BFAR: variants seen among roughly 807,000 people sequenced by gnomAD.
The protein encoded by BFAR is RING finger protein 47.
Under a neutral mutation model 54.4 loss-of-function variants are expected in BFAR, and 52 were observed. The ratio of observed to expected loss-of-function variants is 0.96; its 90% CI spans 0.77 to 1.21. The LOEUF is 1.21. BFAR is among the 50% of genes most tolerant of loss of function. The pLI is 0.00. For synonymous variants in BFAR, 215 were observed against 204.3 expected (o/e 1.05, Z -0.45); for missense variants, 571 against 534.0 (o/e 1.07, Z -0.68).
chr16:14,665,171 A>G, intron 7 of BFAR, 100 bp downstream of exon 7: 3 of 1,190,530 alleles, frequency 2.5e-6, no homozygotes, highest in South Asian at 2.9e-5. Context: ...TAAATCCTCC[A>G]TCCACCCAGA....
chr16:14,639,870 A>T (rs762246124), intron 1 of BFAR, among the ~76,000 whole-genome samples: 2 of 152,196 alleles, frequency 1.3e-5, no homozygotes, highest in Admixed American at 1.3e-4. Context: ...AGAGAGAGGA[A>T]AGCTCTGGTC....
Position 14,649,793 on chromosome 16 carries a change from C to T in BFAR, c.469-11C>T. On this transcript the variant is annotated splice_polypyrimidine_tract_variant and intron_variant, in intron 3 of 7. Transcript: ENST00000261658. ...TCTCCATGGTTTAAAGTCCCTGTCACTTTTCCCCAGGTGGTCCTGCTCGTC... is the reference window on the plus strand; with the variant it reads ...TCTCCATGGTTTAAAGTCCCTGTCATTTTTCCCCAGGTGGTCCTGCTCGTC... 2 of 1,585,074 alleles carry T rather than the reference C, an allele frequency of 1.3e-6. No individual in the cohort carries two copies. Among genetic ancestry groups the T allele is most frequent in the Non-Finnish European group, 1.7e-6 (2 of 1,162,084 alleles).
Position 14,644,320 on chromosome 16 carries a change from T to A in BFAR, c.-27T>A, listed in dbSNP as rs1959719283. 6.3e-7 allele frequency: 1 copy of A among 1,589,398 alleles called. No homozygotes were observed. The highest frequency in any genetic ancestry group is 1.7e-4 in the Middle Eastern group (1 of 5,948). ...TTTTCTACGTCTGAAATTTTTTATG[T>A]CTCTGGAACCCAGAATTTGCTAAGA... On this transcript the variant is annotated 5_prime_UTR_variant, in exon 2 of 8. Coordinates refer to ENST00000261658, the MANE Select transcript of BFAR (RefSeq NM_016561.3).
chr16:14,645,888 A>G (rs765994386), intron 2 of BFAR, among the ~76,000 whole-genome samples: 6 of 152,128 alleles, frequency 3.9e-5, no homozygotes, highest in Non-Finnish European at 8.8e-5. Flanking sequence ...ATATTCTTTG[A>G]GACAAAGTCT....
intron 6 of BFAR, among the ~76,000 whole-genome samples, chr16:14,664,561 G>A (rs902660794): frequency 1.3e-5 from 2 of 152,032 alleles, no homozygotes; most frequent in South Asian, 2.1e-4. Flanking sequence ...GTGCAGTGGT[G>A]CGATCTCAAC....
intron 1 of BFAR, among the ~76,000 whole-genome samples, chr16:14,634,209 C>T (rs1959360397): frequency 6.6e-6 from 1 of 152,226 alleles, no homozygotes; most frequent in South Asian, 2.1e-4. Flanking sequence ...GCTTTACTCT[C>T]TTCCCAGGAC....
chr16:14,652,884 A>T (rs1055148660), intron 4 of BFAR, among the ~76,000 whole-genome samples: 9 of 152,246 alleles, frequency 5.9e-5, no homozygotes, highest in African/African-American at 1.7e-4. Context: ...TTTGTTTCAG[A>T]CACCCACTTC....
At chr16:14,646,787 C>T (rs556640974) in intron 2 of BFAR, among the ~76,000 whole-genome samples, 266 of 152,206 alleles carry the variant, frequency 1.7e-3, no homozygotes, top group Non-Finnish European at 1.6e-3. Context: ...CATGAGCCCC[C>T]GCGCCCAGCC....
At chr16:14,660,707 C>T (rs1035430253) in intron 5 of BFAR, among the ~76,000 whole-genome samples, 2 of 150,334 alleles carry the variant, frequency 1.3e-5, no homozygotes, top group African/African-American at 4.9e-5. Flanking sequence ...TCGAGACCAG[C>T]CTGGCCAACA....
chr16:14,648,450 A>G lies in BFAR; in HGVS notation c.326A>G (p.Asn109Ser), dbSNP rs1596976715. ...CTGAGATTTGAAGACATTCAGCAGA[A>G]TAATGACATAGTCCAAAGTCTTGCA... is the stretch of plus-strand genomic sequence containing the variant. Reference protein sequence around the residue: ...IRLRFEDIQQNNDIVQSLAAF... With the variant: ...IRLRFEDIQQSNDIVQSLAAF... Residue 109 changes from asparagine (N) to serine (S), a missense_variant, in exon 3 of 8, where the codon AAT (asparagine) becomes AGT (serine). Physicochemically the swap from Asn to Ser is conservative, Grantham distance 46. Coordinates refer to ENST00000261658, the MANE Select transcript of BFAR (RefSeq NM_016561.3). The G allele has an allele frequency of 1.2e-6, 2 of 1,613,922 alleles. No individual in the cohort carries two copies.
In BFAR at chr16:14,661,952, A is replaced by T; in HGVS notation, c.844A>T (p.Ser282Cys). The T allele has an allele frequency of 6.2e-7, 1 of 1,614,102 alleles. No individual in the cohort carries two copies. The highest frequency in any genetic ancestry group is 8.5e-7 in the Non-Finnish European group (1 of 1,180,030). ...CGCCCTCAAGAGCTCCCCCAGGCTG[A>T]GTCTGCTCTACCTGTACCTGTTTGA... ...LYALKSSPRL[S>C]LLYLYLFDYT... Residue 282 changes from serine to cysteine, a missense_variant, in exon 6 of 8, where the codon AGT becomes TGT. Ser to Cys is a moderately radical substitution (Grantham distance 112). Coordinates refer to ENST00000261658, the MANE Select transcript of BFAR (RefSeq NM_016561.3).
At chr16:14,641,637 A>C (rs1323569032) in intron 1 of BFAR, among the ~76,000 whole-genome samples, 1 of 151,940 alleles carries the variant, frequency 6.6e-6, no homozygotes, top group African/African-American at 2.4e-5. Context: ...TGACGCAGGC[A>C]GATTGCCCGA....
intron 4 of BFAR, among the ~76,000 whole-genome samples, chr16:14,651,124 A>G (rs1959955228): frequency 1.3e-5 from 2 of 152,202 alleles, no homozygotes; most frequent in Middle Eastern, 3.4e-3. Context: ...CTACCCAGAG[A>G]TAGTGTGAGA....
intron 5 of BFAR, among the ~76,000 whole-genome samples, chr16:14,658,879 C>T (rs1046284277): frequency 4.6e-5 from 7 of 151,976 alleles, no homozygotes; most frequent in African/African-American, 1.4e-4. Flanking sequence ...CACCATTGTA[C>T]ACCCCTCCAC....
intron 1 of BFAR, among the ~76,000 whole-genome samples, chr16:14,642,674 A>G (rs1168562028): frequency 6.6e-6 from 1 of 152,162 alleles, no homozygotes; most frequent in African/African-American, 2.4e-5. Flanking sequence ...CAGCTAGAAA[A>G]TGAGGCTTCA....
At chr16:14,661,831 G>A in intron 5 of BFAR, 61 bp from the exon 6 acceptor site, 2 of 1,569,370 alleles carry the variant, frequency 1.3e-6, no homozygotes, top group South Asian at 1.1e-5. Flanking sequence ...ATGGGAAGGA[G>A]CGTGGGTGGG....
At chr16:14,654,984 A>G (rs1960080718) in intron 4 of BFAR, 82 bp from the exon 5 acceptor site, 1 of 1,327,856 alleles carries the variant, frequency 7.5e-7, no homozygotes, top group Admixed American at 2.6e-5. Context: ...CAATATTTAT[A>G]TTAGTAAGAT....
At chr16:14,657,235 TTTTG>T (rs1960154228) in intron 5 of BFAR, among the ~76,000 whole-genome samples, 3 of 152,034 alleles carry the variant, frequency 2.0e-5, no homozygotes, top group South Asian at 2.1e-4. Context: ...GTTATTTGGT[TTTTG>T]TTTTTGTTTT....
intron 1 of BFAR, among the ~76,000 whole-genome samples, chr16:14,642,974 G>A (rs1390942364): frequency 6.6e-6 from 1 of 151,988 alleles, no homozygotes; most frequent in Non-Finnish European, 1.5e-5. Context: ...TCAGGAGTTC[G>A]AGACCAGCCT....
Sources: gnomAD v4.1 joint callset for allele counts (sites outside exome capture counted in the v4.1 genomes callset) on GRCh38, gnomAD v4.1.1 for gene constraint, MANE v1.5 for transcripts, NCBI Gene and HGNC (gene_info 2026-07-23, HGNC 2026-07-21) for gene names.